STRN3: variants seen among roughly 807,000 people sequenced by gnomAD.
STRN3 encodes the protein striatin-3.
In STRN3, 29 loss-of-function variants were observed where a neutral mutation model predicts 95.6. That is an observed-to-expected ratio of 0.30 (90% confidence interval 0.23 to 0.41). The LOEUF (loss-of-function observed/expected upper bound fraction) is 0.41. STRN3 is among the 10% of genes least tolerant of loss of function. The pLI is 1.00. For synonymous variants in STRN3, 331 were observed against 357.6 expected, an observed-to-expected ratio of 0.93 and a Z score of 0.84; for missense variants, 890 against 972.1, an observed-to-expected ratio of 0.92 and a Z score of 1.12.
chr14:30,899,440 C>T (rs945747368), intron 16 of STRN3, among the ~76,000 whole-genome samples: 3 of 152,100 alleles, frequency 2.0e-5, no homozygotes, highest in African/African-American at 7.2e-5. Flanking sequence ...TTTTCTAAAC[C>T]AATTTTGCAA....
intron 1 of STRN3, among the ~76,000 whole-genome samples, chr14:31,005,814 A>AT (rs1882683887): frequency 6.6e-6 from 1 of 152,208 alleles, no homozygotes; most frequent in African/African-American, 2.4e-5. Context: ...ATAACCAATT[A>AT]TAAGTACAGC....
intron 1 of STRN3, among the ~76,000 whole-genome samples, chr14:31,000,359 C>T (rs1473747229): frequency 6.6e-6 from 1 of 151,662 alleles, no homozygotes; most frequent in Non-Finnish European, 1.5e-5. Context: ...TAACTTGTAG[C>T]ACAACAACTG....
At chr14:30,986,375 G>A (rs548920920) in intron 1 of STRN3, among the ~76,000 whole-genome samples, 4 of 152,262 alleles carry the variant, frequency 2.6e-5, no homozygotes, top group East Asian at 1.9e-4. Flanking sequence ...GACAGTCCAT[G>A]TTTTACTTAG....
At chr14:30,910,459 G>T (rs774231454) in intron 13 of STRN3, among the ~76,000 whole-genome samples, 1 of 152,176 alleles carries the variant, frequency 6.6e-6, no homozygotes, top group South Asian at 2.1e-4. Flanking sequence ...TTGTTTTAAC[G>T]TTTTATAATT....
At chr14:30,915,181 G>C (rs2139000853) in intron 9 of STRN3, among the ~76,000 whole-genome samples, 1 of 152,164 alleles carries the variant, frequency 6.6e-6, no homozygotes, top group South Asian at 2.1e-4. Context: ...CATGAAAAAT[G>C]ATATAAATAT....
chr14:30,953,336 T>C (rs555026945), intron 3 of STRN3, among the ~76,000 whole-genome samples: 92 of 152,336 alleles, frequency 6.0e-4, no homozygotes, highest in African/African-American at 2.1e-3. Flanking sequence ...GAATGCTATC[T>C]TGATTTCTAA....
intron 1 of STRN3, among the ~76,000 whole-genome samples, chr14:31,015,843 G>A (rs969601034): frequency 1.3e-5 from 2 of 152,156 alleles, no homozygotes; most frequent in Non-Finnish European, 1.5e-5. Flanking sequence ...CTGTCACCCA[G>A]GCCGGAGTGC....
intron 1 of STRN3, among the ~76,000 whole-genome samples, chr14:30,971,608 A>G (rs1231684215): frequency 6.6e-6 from 1 of 152,326 alleles, no homozygotes; most frequent in Non-Finnish European, 1.5e-5. Flanking sequence ...ATATTAGCAG[A>G]AAGAGGATTT....
intron 10 of STRN3, 91 bp downstream of exon 10, chr14:30,913,433 C>A: frequency 7.6e-7 from 1 of 1,309,918 alleles, no homozygotes; most frequent in Non-Finnish European, 1.0e-6. Flanking sequence ...TTTCCATGCA[C>A]CTTGATATTA....
intron 1 of STRN3, among the ~76,000 whole-genome samples, chr14:30,987,539 A>G (rs1207697804): frequency 6.6e-6 from 1 of 152,040 alleles, no homozygotes; most frequent in Non-Finnish European, 1.5e-5. Context: ...AACATAAAAT[A>G]AAATTTAAGC....
At chr14:30,984,773 C>T (rs985583039) in intron 1 of STRN3, among the ~76,000 whole-genome samples, 3 of 151,928 alleles carry the variant, frequency 2.0e-5, no homozygotes, top group African/African-American at 7.3e-5. Flanking sequence ...CAAAGCAAGA[C>T]TCCGTCTCAG....
intron 1 of STRN3, among the ~76,000 whole-genome samples, chr14:31,023,345 G>C (rs541524641): frequency 5.5e-4 from 84 of 152,300 alleles, no homozygotes; most frequent in African/African-American, 1.1e-3. Context: ...ATCAGAGACA[G>C]AAGAGCTTTA....
chr14:30,913,479 C>A lies in STRN3; in HGVS notation c.1374+45G>T, dbSNP rs773167269. On this transcript the variant is annotated intron_variant, in intron 10 of 17. Coordinates refer to ENST00000357479, the MANE Select transcript of STRN3 (RefSeq NM_001083893.2). ...ATAAGTGATTCCAAAAAATAAGGAG[C>A]CTTCTATTAAATCATTAAAAAATTA... is the stretch of plus-strand genomic sequence containing the variant. 6.6e-6 allele frequency: 10 copies of A among 1,506,980 alleles called. No individual in the cohort carries two copies. In the South Asian group the frequency reaches 1.3e-4, roughly 20 times the overall value. 93.4% of individuals were successfully genotyped at this position (1,506,980 alleles called of 1,614,324 possible).
chr14:31,002,407 G>A (rs547447504), intron 1 of STRN3, among the ~76,000 whole-genome samples: 1 of 149,858 alleles, frequency 6.7e-6, no homozygotes, highest in South Asian at 2.1e-4. Context: ...GGAGGTGGAG[G>A]TTGCAGTGAG....
chr14:30,929,130 A>G (rs1176098692), intron 8 of STRN3, 71 bp downstream of exon 8: 2 of 1,308,456 alleles, frequency 1.5e-6, no homozygotes, highest in African/African-American at 1.5e-5. Flanking sequence ...TTACACAAAG[A>G]AACAGAATTG....
intron 1 of STRN3, among the ~76,000 whole-genome samples, chr14:30,986,286 A>AT (rs1429692853): frequency 6.6e-6 from 1 of 151,498 alleles, no homozygotes; most frequent in Non-Finnish European, 1.5e-5. Flanking sequence ...GTGTTCTAAG[A>AT]TTAAAAGAAA....
intron 1 of STRN3, among the ~76,000 whole-genome samples, chr14:30,971,541 G>T (rs954175065): frequency 6.6e-6 from 1 of 152,194 alleles, no homozygotes; most frequent in Admixed American, 6.5e-5. Context: ...AGGAATAGCT[G>T]AACAATTAGG....
chr14:30,940,908 T>C (rs1381761394), intron 5 of STRN3, among the ~76,000 whole-genome samples: 2 of 152,124 alleles, frequency 1.3e-5, no homozygotes, highest in Non-Finnish European at 2.9e-5. Context: ...CTCAGCAAAA[T>C]TCCTATTTTG....
intron 1 of STRN3, among the ~76,000 whole-genome samples, chr14:31,023,653 T>C (rs942356077): frequency 1.3e-5 from 2 of 152,216 alleles, no homozygotes; most frequent in South Asian, 2.1e-4. Flanking sequence ...TTCTTAAAAA[T>C]AGGTTTAAGT....
Sources: gnomAD v4.1 joint callset for allele counts (sites outside exome capture counted in the v4.1 genomes callset) on GRCh38, gnomAD v4.1.1 for gene constraint, MANE v1.5 for transcripts, NCBI Gene and HGNC (gene_info 2026-07-23, HGNC 2026-07-21) for gene names.